The following FOXN3 variants were observed in gnomAD, a reference collection of about 807,000 sequenced individuals.
The protein encoded by FOXN3 is forkhead box N3, also known as forkhead box protein N3.
FOXN3 carries 7 observed loss-of-function variants against 38.4 expected under a neutral mutation model. That is an observed-to-expected ratio of 0.18 (90% CI 0.10 to 0.34). FOXN3 has a LOEUF of 0.34. Among genes scored for constraint, FOXN3 ranks in the 10% least tolerant of loss-of-function variants. FOXN3 has a pLI of 1.00. For synonymous variants in FOXN3, 230 were observed against 242.2 expected, an observed-to-expected ratio of 0.95 and a Z score of 0.47; for missense variants, 456 against 613.4, an observed-to-expected ratio of 0.74 and a Z score of 2.71.
chr14:89,305,497 G>A (rs1887344538), intron 3 of FOXN3, among the ~76,000 whole-genome samples: 1 of 152,220 alleles, frequency 6.6e-6, no homozygotes, highest in African/African-American at 2.4e-5. Flanking sequence ...TATCACGTAA[G>A]TTATATGTTT....
intron 1 of FOXN3, among the ~76,000 whole-genome samples, chr14:89,605,577 T>C (rs1896255908): frequency 6.6e-6 from 1 of 152,106 alleles, no homozygotes; most frequent in African/African-American, 2.4e-5. Flanking sequence ...TGTATTTCAG[T>C]TAAAAGACAA....
chr14:89,238,428 C>T (rs8005741), intron 4 of FOXN3, among the ~76,000 whole-genome samples: 110,256 of 152,138 alleles, frequency 0.72, 39,970 homozygotes, highest in South Asian at 0.75. Flanking sequence ...GCCATTATCA[C>T]GGAGGAGGAC....
At chr14:89,419,056 G>A, upstream of FOXN3, 1 of 446,982 alleles carries the variant, frequency 2.2e-6, no homozygotes. Context: ...TCAAAAAGAG[G>A]GGATGTGAGC....
At chr14:89,165,380 T>C (rs1186038820) in intron 5 of FOXN3, among the ~76,000 whole-genome samples, 1 of 152,260 alleles carries the variant, frequency 6.6e-6, no homozygotes, top group Non-Finnish European at 1.5e-5. Context: ...TGCCTGATCA[T>C]GTTTTTTACT....
chr14:89,573,615 G>A (rs915525517), intron 1 of FOXN3, among the ~76,000 whole-genome samples: 20 of 152,132 alleles, frequency 1.3e-4, no homozygotes, highest in Admixed American at 3.9e-4. Flanking sequence ...TCCAACAGCA[G>A]TTTCTAAATT....
At chr14:89,207,158 T>C (rs983790201) in intron 4 of FOXN3, among the ~76,000 whole-genome samples, 10 of 152,030 alleles carry the variant, frequency 6.6e-5, no homozygotes, top group African/African-American at 2.4e-4. Flanking sequence ...GAGGTGCAGG[T>C]TGCAGTGAGC....
chr14:89,608,896 A>G (rs1349126247), intron 1 of FOXN3, among the ~76,000 whole-genome samples: 1 of 152,180 alleles, frequency 6.6e-6, no homozygotes, highest in Non-Finnish European at 1.5e-5. Context: ...TTGACGATCA[A>G]TGGGTGTGTG....
chr14:89,515,769 GCA>G (rs1412241330), intron 1 of FOXN3, among the ~76,000 whole-genome samples: 1 of 152,112 alleles, frequency 6.6e-6, no homozygotes, highest in Non-Finnish European at 1.5e-5. Flanking sequence ...ATTCAAATGT[GCA>G]CAGTCATTAA....
intron 1 of FOXN3, among the ~76,000 whole-genome samples, chr14:89,543,011 C>T (rs1376200090): frequency 6.6e-6 from 1 of 150,672 alleles, no homozygotes; most frequent in Admixed American, 6.7e-5. Flanking sequence ...ATCAATCCTG[C>T]CGGTGAAGTA....
chr14:89,268,669 T>A (rs1315679474), intron 4 of FOXN3, among the ~76,000 whole-genome samples: 5 of 152,218 alleles, frequency 3.3e-5, no homozygotes, highest in African/African-American at 1.2e-4. Flanking sequence ...GCACACCCTG[T>A]GGAGCTCCCA....
intron 2 of FOXN3, among the ~76,000 whole-genome samples, chr14:89,385,499 T>A (rs1159490241): frequency 1.2e-4 from 13 of 108,810 alleles, no homozygotes; most frequent in South Asian, 1.1e-3. Context: ...GGCAAACATT[T>A]AAAAAAAAAA....
At chr14:89,592,589 TGAAATACTGAG>T (rs1484096636) in intron 1 of FOXN3, among the ~76,000 whole-genome samples, 1 of 152,208 alleles carries the variant, frequency 6.6e-6, no homozygotes, top group Admixed American at 6.5e-5. Context: ...GTATTGCCTT[TGAAATACTGAG>T]GAAAACTTAT....
intron 4 of FOXN3, among the ~76,000 whole-genome samples, chr14:89,248,627 G>A (rs572978478): frequency 6.6e-6 from 1 of 152,236 alleles, no homozygotes; most frequent in Admixed American, 6.5e-5. Flanking sequence ...TGTGCTACGT[G>A]AGGCAGTGGA....
chr14:89,479,589 T>A (rs1241795133), intron 1 of FOXN3, among the ~76,000 whole-genome samples: 1 of 152,200 alleles, frequency 6.6e-6, no homozygotes, highest in Non-Finnish European at 1.5e-5. Flanking sequence ...TCTGTGGTCC[T>A]TAGTTTCTCT....
intron 3 of FOXN3, among the ~76,000 whole-genome samples, chr14:89,297,364 C>T (rs1293474613): frequency 6.6e-6 from 1 of 151,898 alleles, no homozygotes; most frequent in African/African-American, 2.4e-5. Flanking sequence ...AGATCGAGAC[C>T]ATCCTGGCTA....
chr14:89,444,028 A>AAAAAAC (rs10622805), intron 1 of FOXN3, among the ~76,000 whole-genome samples: 1 of 149,870 alleles, frequency 6.7e-6, no homozygotes, highest in Non-Finnish European at 1.5e-5. Flanking sequence ...AAAAAAAAAA[A>AAAAAAC]AGCATACTTG....
intron 1 of FOXN3, among the ~76,000 whole-genome samples, chr14:89,470,439 A>C (rs769585212): frequency 1.3e-5 from 2 of 152,320 alleles, no homozygotes; most frequent in Non-Finnish European, 2.9e-5. Context: ...CAAATTATTT[A>C]ACCTCTTTGT....
At chr14:89,491,306 C>A (rs1484836865) in intron 1 of FOXN3, among the ~76,000 whole-genome samples, 1 of 152,170 alleles carries the variant, frequency 6.6e-6, no homozygotes, top group African/African-American at 2.4e-5. Flanking sequence ...GCAATATGTG[C>A]TATGATCATT....
chr14:89,273,555 A>G (rs981257874), intron 4 of FOXN3, among the ~76,000 whole-genome samples: 6 of 152,240 alleles, frequency 3.9e-5, no homozygotes, highest in Non-Finnish European at 8.8e-5. Flanking sequence ...GTAACTGGAG[A>G]TTGGGCAAAT....
Sources: allele counts gnomAD v4.1 joint callset (sites outside exome capture counted in the v4.1 genomes callset), GRCh38; gene constraint gnomAD v4.1.1; transcripts MANE v1.5; gene names NCBI Gene and HGNC (gene_info 2026-07-23, HGNC 2026-07-21).